DHRSX: variants seen among roughly 807,000 people sequenced by gnomAD.
The protein encoded by DHRSX is dehydrogenase/reductase X-linked.
In DHRSX, 31 loss-of-function variants were observed where a neutral mutation model predicts 34.0. The ratio of observed to expected loss-of-function variants is 0.91; its 90% CI spans 0.69 to 1.23. DHRSX has a LOEUF of 1.23. DHRSX is among the 50% of genes most tolerant of loss of function. The pLI, the probability that DHRSX is intolerant of heterozygous loss-of-function variation, is 0.00. For synonymous variants in DHRSX, 201 were observed against 183.8 expected (o/e 1.09, Z -0.76); for missense variants, 414 against 428.1 (o/e 0.97, Z 0.29).
At chrX:2,266,141 G>A (rs751285036) in intron 5 of DHRSX, among the ~76,000 whole-genome samples, 1 of 145,580 alleles carries the variant, frequency 6.9e-6, no homozygotes, top group East Asian at 2.1e-4. Flanking sequence ...AGGGAGCACT[G>A]TACCCAGAGC....
intron 3 of DHRSX, among the ~76,000 whole-genome samples, chrX:2,359,543 G>C (rs2042901520): frequency 6.6e-6 from 1 of 152,024 alleles, no homozygotes; most frequent in East Asian, 1.9e-4. Context: ...AGCTGGGCGT[G>C]GGGGCGTGCA....
intron 5 of DHRSX, among the ~76,000 whole-genome samples, chrX:2,262,870 T>G (rs1217091832): frequency 6.6e-6 from 1 of 152,134 alleles, no homozygotes; most frequent in African/African-American, 2.4e-5. Flanking sequence ...GGAGCTCAAT[T>G]CGACAAAACA....
chrX:2,425,778 T>C (rs2043838013), intron 1 of DHRSX, among the ~76,000 whole-genome samples: 1 of 152,058 alleles, frequency 6.6e-6, no homozygotes, highest in African/African-American at 2.4e-5. Flanking sequence ...TACTCACAGG[T>C]CCCAAGAGGA....
In DHRSX at chrX:2,362,825, T is replaced by G. The variant is rs112993749; in HGVS notation, c.286+45920A>C. The stretch of plus-strand genomic sequence containing the variant: ...TATCACCGTTCTATGGTATCATGCC[T>G]CCATTTTATCACCGTTCTATGGTAT... On this transcript the variant is annotated intron_variant, in intron 3 of 6. Transcript: ENST00000334651. 2.0e-3 allele frequency among the ~76,000 whole-genome samples: 195 copies of G among 98,614 alleles called. 1 individual carries two copies. The highest frequency in any genetic ancestry group is 7.0e-3 in the African/African-American group (175 of 25,002). 64.7% of individuals were successfully genotyped at this position (98,614 alleles called of 152,430 possible).
intron 3 of DHRSX, among the ~76,000 whole-genome samples, chrX:2,346,667 T>TGTTG (rs1442138983): frequency 6.6e-6 from 1 of 151,620 alleles, no homozygotes; most frequent in African/African-American, 2.4e-5. Context: ...TTGTTGTTGT[T>TGTTG]TAATACTTTA....
At chrX:2,354,633 T>TA (rs763665713) in intron 3 of DHRSX, among the ~76,000 whole-genome samples, 324 of 152,200 alleles carry the variant, frequency 2.1e-3, no homozygotes, top group Non-Finnish European at 3.9e-3. Context: ...GGCTAACTTT[T>TA]GTATTTTTAG....
chrX:2,331,412 G>A (rs1026281641), intron 3 of DHRSX, among the ~76,000 whole-genome samples: 2 of 143,828 alleles, frequency 1.4e-5, no homozygotes, highest in Middle Eastern at 3.9e-3. Context: ...TCAGAATGAG[G>A]AATCCTTTCA....
intron 1 of DHRSX, among the ~76,000 whole-genome samples, chrX:2,445,733 G>A (rs2044123248): frequency 6.6e-6 from 1 of 151,488 alleles, no homozygotes. Flanking sequence ...GCAGCCAAGG[G>A]ACTGCCACCG....
chrX:2,233,038 A>G (rs2124412673), intron 6 of DHRSX, among the ~76,000 whole-genome samples: 1 of 151,946 alleles, frequency 6.6e-6, no homozygotes, highest in African/African-American at 2.4e-5. Flanking sequence ...ATGGTTTTAT[A>G]CTCTTAAAGT....
At chrX:2,448,809 T>C (rs1466031444) in intron 1 of DHRSX, among the ~76,000 whole-genome samples, 1 of 152,202 alleles carries the variant, frequency 6.6e-6, no homozygotes, top group Non-Finnish European at 1.5e-5. Context: ...TAATGGTGTC[T>C]CTTCTTAATT....
intron 3 of DHRSX, among the ~76,000 whole-genome samples, chrX:2,397,929 C>T (rs1192199426): frequency 2.5e-4 from 21 of 84,740 alleles, no homozygotes; most frequent in African/African-American, 1.2e-3. Flanking sequence ...CCTCAGAGCG[C>T]GCACACACAC....
intron 2 of DHRSX, among the ~76,000 whole-genome samples, chrX:2,415,746 A>G (rs1201117366): frequency 6.6e-6 from 1 of 151,570 alleles, no homozygotes; most frequent in Non-Finnish European, 1.5e-5. Context: ...AGACCTCATC[A>G]TAACCTAATT....
intron 1 of DHRSX, chrX:2,486,982 C>T (rs867980730): frequency 6.6e-6 from 1 of 152,214 alleles, no homozygotes; most frequent in South Asian, 2.1e-4. Context: ...TGAGTGGGGT[C>T]ATCCCTCCTA....
rs1489820515 is a variant in DHRSX, at chrX:2,484,589, G to A, written c.109+16228C>T. The stretch of plus-strand genomic sequence containing the variant: ...CGTCTGAAGAAATGAGCAAAACACT[G>A]CCGTTTTGCTGCAGACGGTCCTGTG... On this transcript the variant is annotated intron_variant, in intron 1 of 6. Coordinates refer to ENST00000334651, the MANE Select transcript of DHRSX (RefSeq NM_145177.3). Among the ~76,000 whole-genome samples, 5 of 152,242 alleles carry A rather than the reference G, an allele frequency of 3.3e-5. No individual in the cohort carries two copies. In the South Asian group the frequency reaches 6.2e-4, roughly 19 times the overall value.
intron 2 of DHRSX, among the ~76,000 whole-genome samples, chrX:2,422,503 T>G (rs1262994423): frequency 6.6e-6 from 1 of 152,082 alleles, no homozygotes; most frequent in Admixed American, 6.5e-5. Flanking sequence ...CCTCGTGATC[T>G]GCCCGCCTCG....
At position 2,259,578 on chromosome X, in the gene DHRSX, GCA is replaced by G. The variant is rs200173781; in HGVS notation, c.596+7160_596+7161del. On this transcript the variant is annotated intron_variant, in intron 5 of 6. Coordinates refer to ENST00000334651, the MANE Select transcript of DHRSX (RefSeq NM_145177.3). ...TTCCTGGGATTGTCCAAACAAATGA[GCA>G]CAGACTGGATGCTTCAAAGTCACAG... 9.0e-3 allele frequency among the ~76,000 whole-genome samples: 1,371 copies of G among 152,214 alleles called. 18 individuals are homozygous for G. Among genetic ancestry groups the G allele is most frequent in the African/African-American group, 0.031 (1,301 of 41,514 alleles).
intron 3 of DHRSX, among the ~76,000 whole-genome samples, chrX:2,317,637 AAG>A (rs1244766395): frequency 1.5e-5 from 2 of 134,700 alleles, no homozygotes; most frequent in Non-Finnish European, 3.6e-5. Context: ...AGAAAAAAAA[AAG>A]AAGGAGAGTA....
chrX:2,327,832 G>A (rs1232203557), intron 3 of DHRSX, among the ~76,000 whole-genome samples: 1 of 152,228 alleles, frequency 6.6e-6, no homozygotes, highest in African/African-American at 2.4e-5. Flanking sequence ...TGTAATCCCA[G>A]TACTTTGGGA....
At chrX:2,492,379 TGGAGCCCCCA>T (rs1294021614) in intron 1 of DHRSX, among the ~76,000 whole-genome samples, 1 of 150,462 alleles carries the variant, frequency 6.6e-6, no homozygotes, top group Non-Finnish European at 1.5e-5. Context: ...CCAGAACGCC[TGGAGCCCCCA>T]GGAGCTGGGA....
Sources: gnomAD v4.1 joint callset for allele counts (sites outside exome capture counted in the v4.1 genomes callset) on GRCh38, gnomAD v4.1.1 for gene constraint, MANE v1.5 for transcripts, NCBI Gene and HGNC (gene_info 2026-07-23, HGNC 2026-07-21) for gene names.